The following HELZ2 variants were observed in gnomAD, a reference collection of about 807,000 sequenced individuals.
HELZ2 encodes 3'-5' exoribonuclease HELZ2.
A neutral mutation model predicts 208.8 loss-of-function variants in HELZ2; 143 were observed. The observed-to-expected ratio is 0.68, with a 90% CI of 0.60 to 0.79. HELZ2 has a LOEUF of 0.79. HELZ2 is among the 30% of genes least tolerant of loss of function. The probability of loss-of-function intolerance (pLI) is 0.00; values close to 1 mark genes in which losing one functional copy is unlikely to be tolerated. For synonymous variants in HELZ2, 1,705 were observed against 1,693.7 expected, an observed-to-expected ratio of 1.01 and a Z score of -0.16; for missense variants, 3,690 against 3,794.5, an observed-to-expected ratio of 0.97 and a Z score of 0.72.
exon 6 of HELZ2, chr20:63,567,132 G>C (rs780053487): frequency 6.2e-7 from 1 of 1,611,326 alleles, no homozygotes. Flanking sequence ...TGCAGCGGTA[G>C]TTCTCGTGGA....
At chr20:63,565,780 T>C in exon 8 of HELZ2, 1 of 1,600,428 alleles carries the variant, frequency 6.2e-7, no homozygotes, top group Admixed American at 1.7e-5. Flanking sequence ...GCGCTGTGGT[T>C]GCCGTGATGT....
chr20:63,558,545 G>GTT (rs911707952), downstream of HELZ2: 7 of 147,088 alleles, frequency 4.8e-5, no homozygotes, highest in African/African-American at 1.2e-4. Flanking sequence ...GTTTTGTTTT[G>GTT]TTTTTTTTTT....
At chr20:63,563,410 T>C in exon 8 of HELZ2, 1 of 1,534,812 alleles carries the variant, frequency 6.5e-7, no homozygotes, top group East Asian at 2.4e-5. Flanking sequence ...GCGGGCTGGA[T>C]CCCTGCGCTG....
upstream of HELZ2, among the ~76,000 whole-genome samples, chr20:63,573,892 G>C (rs965947081): frequency 6.6e-6 from 1 of 152,168 alleles, no homozygotes; most frequent in African/African-American, 2.4e-5. This position sits in a 1 kb window ranked among gnomAD's most constrained non-coding sequence, Gnocchi z 4.9. Flanking sequence ...GAAAACATCC[G>C]AGTCTGCCAT....
exon 9 of HELZ2, chr20:63,562,307 G>T: frequency 6.3e-7 from 1 of 1,599,222 alleles, no homozygotes. Flanking sequence ...GGGGCTGCGG[G>T]ACAGGCCGGC....
At chr20:63,564,825 G>C (rs538816738) in exon 8 of HELZ2, 5 of 1,610,102 alleles carry the variant, frequency 3.1e-6, no homozygotes, top group Non-Finnish European at 4.2e-6. Flanking sequence ...TCCTCTCGGC[G>C]GCCGGCAACC....
At chr20:63,566,344 C>G in intron 7 of HELZ2, 34 bp downstream of exon 8, 9 of 1,540,862 alleles carry the variant, frequency 5.8e-6, no homozygotes, top group Non-Finnish European at 7.9e-6. Flanking sequence ...TATCCTGGGG[C>G]AGCTGGCAGC....
In HELZ2 at chr20:63,572,095, C is replaced by G; in HGVS notation, c.278+13G>C. On this transcript the variant is annotated intron_variant, in intron 1 of 18. Coordinates refer to ENST00000467148, the Ensembl canonical transcript of HELZ2. ...CCTGCCCTACTCCAAGCTCCTGCCT[C>G]GAGTATCCTTACTTTGGGCAGAGCT... The G allele has an allele frequency of 6.3e-7, 1 of 1,598,622 alleles. No homozygotes were observed. Among genetic ancestry groups the G allele is most frequent in the Non-Finnish European group, 8.5e-7 (1 of 1,172,324 alleles).
Position 63,560,336 on chromosome 20 carries a change from C to G in HELZ2, c.7501-9G>C. The G allele has an allele frequency of 6.4e-7, 1 of 1,552,416 alleles. No individual in the cohort carries two copies. The highest frequency in any genetic ancestry group is 8.7e-7 in the Non-Finnish European group (1 of 1,153,610). On this transcript the variant is annotated splice_polypyrimidine_tract_variant and intron_variant, in intron 16 of 18. Transcript: ENST00000467148. ...TGCTTGGTGATACGGACCTGAGGAG[C>G]CGAGGGGGCAGGTGGAGCGGACCCT...
rs1344660796 is a variant in HELZ2 at position 63,559,766 on chromosome 20, GGTCAGATGGGAGTCAGTCAGA to G, written c.7825+141_7825+161del. 2.3e-3 allele frequency among the ~76,000 whole-genome samples: 263 copies of G among 116,776 alleles called. 1 individual carries two copies. The highest frequency in any genetic ancestry group is 4.7e-3 in the East Asian group (12 of 2,558). The allele number at this position is 116,776 out of a possible 152,430, so 76.6% of individuals were successfully genotyped here. On this transcript the variant is annotated intron_variant, in intron 18 of 18. Transcript: ENST00000467148. ...GTCAGGGTCAGGTGGGAGGAGTCAGGGTCAGATGGGAGTCAGTCAGAGTCAGGTGGGAGGAGTCAGGGTCAG... is the reference window on the plus strand; with the variant it reads ...GTCAGGGTCAGGTGGGAGGAGTCAGGGTCAGGTGGGAGGAGTCAGGGTCAG...
intron 1 of HELZ2, chr20:63,571,778 A>G (rs2083017617): frequency 1.0e-5 from 1 of 98,888 alleles, no homozygotes; most frequent in East Asian, 2.9e-4. Flanking sequence ...CCCCGCTCCA[A>G]GCTCCTGGGA....
At chr20:63,567,277 C>A in exon 6 of HELZ2, 2 of 1,609,184 alleles carry the variant, frequency 1.2e-6, no homozygotes, top group Non-Finnish European at 1.7e-6. Flanking sequence ...CATGTGGTCG[C>A]CCGCCAGCAC....
exon 8 of HELZ2, chr20:63,566,208 G>A (rs746658757): frequency 1.3e-6 from 2 of 1,500,596 alleles, no homozygotes; most frequent in Admixed American, 2.1e-5. Flanking sequence ...ACAGTGCTGA[G>A]CACCACGACC....
Position 63,569,371 on chromosome 20 carries a change from C to A in HELZ2, c.865G>T (p.Glu289Ter). ...CCAGTGTGCCAGCGCTCCATCTCCTCAGGGTGGCCGAGCGCCAGATTCCTG... is the reference window on the plus strand; with the variant it reads ...CCAGTGTGCCAGCGCTCCATCTCCTAAGGGTGGCCGAGCGCCAGATTCCTG... The change falls in exon 4 of 19, where the codon GAG becomes TAG. Residue 289 changes from glutamate (E) to a stop codon, truncating the protein, a stop_gained. Transcript: ENST00000467148. LOFTEE classifies it high-confidence loss of function. 6.2e-7 allele frequency: 1 copy of A among 1,608,574 alleles called. No homozygotes were observed.
chr20:63,566,797 C>T, intron 6 of HELZ2, 47 bp downstream of exon 7: 1 of 1,527,466 alleles, frequency 6.5e-7, no homozygotes, highest in Non-Finnish European at 8.8e-7. Flanking sequence ...CTCCCCCTCC[C>T]CCAGCAGGGG....
At chr20:63,565,141 G>A (rs779693399) in exon 8 of HELZ2, 37 of 1,586,602 alleles carry the variant, frequency 2.3e-5, no homozygotes, top group East Asian at 2.1e-4. Flanking sequence ...GCTCGGCCAC[G>A]AAGATCTTGG....
exon 18 of HELZ2, chr20:63,560,083 C>A: frequency 2.5e-6 from 4 of 1,600,882 alleles, no homozygotes; most frequent in Non-Finnish European, 3.4e-6. Context: ...CAGCACATAG[C>A]GCCACTCGCT....
At position 63,570,764 on chromosome 20, in the gene HELZ2, G is replaced by A. The variant is rs369406629; in HGVS notation, c.383C>T (p.Ala128Val). 8.3e-5 allele frequency: 133 copies of A among 1,602,532 alleles called. No homozygotes were observed. The African/African-American group carries it at 1.4e-3, about 17-fold the overall frequency. Residue 128 changes from alanine to valine, a missense_variant, in exon 2 of 19, where the codon GCG becomes GTG. By Grantham distance (64) the Ala-to-Val change is moderately conservative. Coordinates refer to ENST00000467148, the Ensembl canonical transcript of HELZ2. ...GGGCACCAGCCCGTCCTGCCAGGCC[G>A]CCTGCCCCCGCAGCTCCACAGCCTG... is the stretch of plus-strand genomic sequence containing the variant.
chr20:63,561,980 T>C (rs2082892837), exon 11 of HELZ2: 1 of 1,593,760 alleles, frequency 6.3e-7, no homozygotes, highest in African/African-American at 1.3e-5. Flanking sequence ...TCGTCTTCCC[T>C]GTACCTGCAG....
Sources: allele counts gnomAD v4.1 joint callset (sites outside exome capture counted in the v4.1 genomes callset), GRCh38; gene constraint gnomAD v4.1.1; non-coding constraint Gnocchi (gnomAD v3.1); transcripts MANE v1.5; gene names NCBI Gene and HGNC (gene_info 2026-07-23, HGNC 2026-07-21).